BCAS3: variants seen among roughly 807,000 people sequenced by gnomAD.
BCAS3 encodes the protein BCAS4/BCAS3 fusion.
Under a neutral mutation model 116.1 loss-of-function variants are expected in BCAS3, and 53 were observed. The observed-to-expected ratio is 0.46, with a 90% CI of 0.37 to 0.57. BCAS3 has a LOEUF of 0.57. BCAS3 is among the 20% of genes least tolerant of loss of function. The probability of loss-of-function intolerance (pLI) is 0.00; values close to 1 mark genes in which losing one functional copy is unlikely to be tolerated. For synonymous variants in BCAS3, 391 were observed against 408.2 expected (o/e 0.96, Z 0.51); for missense variants, 917 against 1,165.4 (o/e 0.79, Z 3.10).
At chr17:61,236,691 T>TA (rs1259268258) in intron 22 of BCAS3, among the ~76,000 whole-genome samples, 2 of 151,724 alleles carry the variant, frequency 1.3e-5, no homozygotes, top group African/African-American at 4.9e-5. Context: ...CAAATGGCTA[T>TA]AAAAAGATGG....
At position 61,181,328 on chromosome 17, in the gene BCAS3, A is replaced by C. The variant is rs1304322956; in HGVS notation, c.2425+96764A>C. Among the ~76,000 whole-genome samples, 3 of 152,188 alleles carry C rather than the reference A, an allele frequency of 2.0e-5. No homozygotes were observed. The highest frequency in any genetic ancestry group is 4.4e-5 in the Non-Finnish European group (3 of 68,024). ...TGTGAAGACCTACTGGTAGTGGTTA[A>C]ATGTAGGATTTTAATCAGATCAGAG... is the stretch of plus-strand genomic sequence containing the variant. On this transcript the variant is annotated intron_variant, in intron 22 of 23. Transcript: ENST00000407086. The surrounding 1 kb of genome is among the most constrained non-coding windows in gnomAD (Gnocchi z 5.0).
Position 61,199,454 on chromosome 17 carries a change from A to C in BCAS3, c.2425+114890A>C, listed in dbSNP as rs1356750644. ...CCTAGTTTAAAGGCAAATAGTAGCT[A>C]TCACAACCAAATTTAGAATGTGACA... On this transcript the variant is annotated intron_variant, in intron 22 of 23. Transcript: ENST00000407086. This position sits in a 1 kb window ranked among gnomAD's most constrained non-coding sequence, Gnocchi z 4.6. Among the ~76,000 whole-genome samples, 3 of 152,230 alleles carry C rather than the reference A, an allele frequency of 2.0e-5. No individual in the cohort carries two copies. The highest frequency in any genetic ancestry group is 6.5e-5 in the Admixed American group (1 of 15,284).
intron 5 of BCAS3, among the ~76,000 whole-genome samples, chr17:60,722,718 G>A (rs578185080): frequency 2.0e-5 from 3 of 147,492 alleles, no homozygotes; most frequent in East Asian, 4.0e-4. Context: ...CCGAGATTGC[G>A]CCACTGCACT....
intron 22 of BCAS3, among the ~76,000 whole-genome samples, chr17:61,271,484 C>T (rs896053772): frequency 1.2e-4 from 16 of 128,040 alleles, no homozygotes; most frequent in Non-Finnish European, 2.4e-4. Flanking sequence ...AGTGCAGTGG[C>T]GCGATCTTGG....
intron 7 of BCAS3, chr17:60,811,458 A>G (rs1568302934): frequency 3.5e-6 from 2 of 578,004 alleles, no homozygotes; most frequent in East Asian, 9.0e-5. Flanking sequence ...GTTCTGAGAC[A>G]TTAAGCCAGC....
intron 7 of BCAS3, among the ~76,000 whole-genome samples, chr17:60,830,389 C>T (rs962231742): frequency 6.6e-6 from 1 of 152,056 alleles, no homozygotes; most frequent in African/African-American, 2.4e-5. Flanking sequence ...GAAAACTTAC[C>T]TGGAAAATGG....
intron 6 of BCAS3, among the ~76,000 whole-genome samples, chr17:60,755,294 A>G (rs1440638414): frequency 3.3e-5 from 5 of 152,212 alleles, no homozygotes; most frequent in Admixed American, 3.3e-4. Flanking sequence ...GAACTATATA[A>G]TGCTTGATAC....
chr17:60,985,141 C>CTTTTTTTT (rs560277871), intron 14 of BCAS3, among the ~76,000 whole-genome samples: 3 of 120,360 alleles, frequency 2.5e-5, no homozygotes, highest in Non-Finnish European at 5.0e-5. Context: ...CAACTGTATT[C>CTTTTTTTT]TTTTTTTTTT....
intron 22 of BCAS3, among the ~76,000 whole-genome samples, chr17:61,274,090 C>T (rs1053986412): frequency 1.3e-5 from 2 of 150,922 alleles, no homozygotes; most frequent in Non-Finnish European, 3.0e-5. Context: ...GGTATATCTC[C>T]TAATGCTATC....
intron 22 of BCAS3, among the ~76,000 whole-genome samples, chr17:61,158,790 G>T (rs2078005326): frequency 6.6e-6 from 1 of 152,144 alleles, no homozygotes; most frequent in African/African-American, 2.4e-5. Context: ...TAAAATAAAG[G>T]TCTTTAAAGA....
At position 61,391,751 on chromosome 17, in the gene BCAS3, G is replaced by A; in HGVS notation, c.2594-226G>A. On this transcript the variant is annotated intron_variant, in intron 23 of 23. Coordinates refer to ENST00000407086, the MANE Select transcript of BCAS3 (RefSeq NM_017679.5). The surrounding 1 kb of genome is among the most constrained non-coding windows in gnomAD (Gnocchi z 7.7). ...GGGCTTCCCGCAGCAGGGAGACGGT[G>A]CTCTCACACCAGAGTCTGCCAGCCA... The A allele has an allele frequency of 1.8e-6, 1 of 566,674 alleles. No homozygotes were observed. The allele number at this position is 566,674 out of a possible 1,614,324, so 35.1% of individuals were successfully genotyped here.
At chr17:61,048,079 G>A (rs979154748) in intron 19 of BCAS3, among the ~76,000 whole-genome samples, 2 of 152,014 alleles carry the variant, frequency 1.3e-5, no homozygotes, top group Admixed American at 1.3e-4. Flanking sequence ...ATTATTGGGT[G>A]TATACTTGGT....
chr17:60,871,610 T>G (rs1327853233), intron 8 of BCAS3, among the ~76,000 whole-genome samples: 3 of 151,480 alleles, frequency 2.0e-5, no homozygotes, highest in Non-Finnish European at 2.9e-5. Flanking sequence ...GTTTTTGTTT[T>G]TTTTTTTTTT....
chr17:60,959,372 A>G (rs1219756605), intron 14 of BCAS3, among the ~76,000 whole-genome samples: 3 of 152,130 alleles, frequency 2.0e-5, no homozygotes, highest in African/African-American at 7.2e-5. Context: ...AAGCCCATTA[A>G]AGAAAAATTG....
At chr17:60,751,796 G>A (rs1314876275) in intron 6 of BCAS3, among the ~76,000 whole-genome samples, 1 of 152,120 alleles carries the variant, frequency 6.6e-6, no homozygotes, top group Non-Finnish European at 1.5e-5. Flanking sequence ...ACCTGCCTCG[G>A]CCTTCCAAAG....
rs1399004172 is a variant in BCAS3 at position 61,339,804 on chromosome 17, C to T, written c.2426-28523C>T. Among the ~76,000 whole-genome samples the T allele has an allele frequency of 6.6e-6, 1 of 150,926 alleles. No homozygotes were observed. The highest frequency in any genetic ancestry group is 2.4e-5 in the African/African-American group (1 of 41,036). On this transcript the variant is annotated intron_variant, in intron 22 of 23. Transcript: ENST00000407086. This position sits in a 1 kb window ranked among gnomAD's most constrained non-coding sequence, Gnocchi z 4.4. ...AAGACCAAGGAGATGAGTGGAAGAG[C>T]CAGTAAAAGAGACTGCAAAGTAGCG...
At chr17:61,369,963 C>T (rs534696089) in intron 23 of BCAS3, among the ~76,000 whole-genome samples, 19 of 152,352 alleles carry the variant, frequency 1.2e-4, no homozygotes, top group African/African-American at 2.9e-4. Context: ...CTCCCTCTTC[C>T]GAGGCCTGGA....
In BCAS3 at chr17:61,228,670, C is replaced by T. The variant is rs1444468578; in HGVS notation, c.2426-139657C>T. 6.6e-6 allele frequency among the ~76,000 whole-genome samples: 1 copy of T among 152,148 alleles called. No individual in the cohort carries two copies. The highest frequency in any genetic ancestry group is 2.4e-5 in the African/African-American group (1 of 41,434). ...TTTGGGGGCACCCTCAAGCTATGCCCATGTAAAACAGCAAACTTAATAAAT... is the reference window on the plus strand; with the variant it reads ...TTTGGGGGCACCCTCAAGCTATGCCTATGTAAAACAGCAAACTTAATAAAT... On this transcript the variant is annotated intron_variant, in intron 22 of 23. Transcript: ENST00000407086. The surrounding 1 kb of genome is among the most constrained non-coding windows in gnomAD (Gnocchi z 5.0).
At chr17:61,328,259 A>G (rs148833880) in intron 22 of BCAS3, among the ~76,000 whole-genome samples, 2 of 152,338 alleles carry the variant, frequency 1.3e-5, no homozygotes, top group East Asian at 1.9e-4. Context: ...TAGTAGAAGC[A>G]TAAAGCTCCA....
Sources: gnomAD v4.1 joint callset for allele counts (sites outside exome capture counted in the v4.1 genomes callset) on GRCh38, gnomAD v4.1.1 for gene constraint, Gnocchi (gnomAD v3.1) non-coding constraint, MANE v1.5 for transcripts, NCBI Gene and HGNC (gene_info 2026-07-23, HGNC 2026-07-21) for gene names.